Variants in MLPH observed in about 807,000 individuals in gnomAD.
The protein encoded by MLPH is melanophilin.
In MLPH, 51 loss-of-function variants were observed where a neutral mutation model predicts 72.1. The observed-to-expected ratio is 0.71, with a 90% confidence interval of 0.56 to 0.89. The LOEUF (loss-of-function observed/expected upper bound fraction) is 0.89. MLPH is among the 40% of genes least tolerant of loss of function. MLPH has a pLI of 0.00. For synonymous variants in MLPH, 301 were observed against 310.1 expected (o/e 0.97, Z 0.31); for missense variants, 743 against 759.9 (o/e 0.98, Z 0.26).
At chr2:237,513,559 G>T (rs2079952336) in intron 4 of MLPH, among the ~76,000 whole-genome samples, 1 of 152,090 alleles carries the variant, frequency 6.6e-6, no homozygotes, top group African/African-American at 2.4e-5. Context: ...GAATTTTTTT[G>T]GTTTTTTTCT....
In MLPH at chr2:237,541,957, G is replaced by A. The variant is rs570384623; in HGVS notation, c.1447-610G>A. On this transcript the variant is annotated intron_variant, in intron 11 of 15. Coordinates refer to ENST00000264605, the MANE Select transcript of MLPH (RefSeq NM_024101.7). This position sits in a 1 kb window ranked among gnomAD's most constrained non-coding sequence, Gnocchi z 5.1. ...GGAGGCCGGGTGGAGGGAGCAGCCC[G>A]TGCCAAGGCCCTGGGGTGGCAGTGG... Among the ~76,000 whole-genome samples the A allele has an allele frequency of 3.9e-5, 6 of 152,228 alleles. No individual in the cohort carries two copies. The highest frequency in any genetic ancestry group is 1.2e-4 in the African/African-American group (5 of 41,460).
intron 12 of MLPH, chr2:237,545,578 C>G: frequency 7.8e-7 from 1 of 1,287,862 alleles, no homozygotes. Context: ...CCTTAGTCCG[C>G]CGCCACGTGA....
intron 2 of MLPH, among the ~76,000 whole-genome samples, chr2:237,495,542 G>C (rs954008530): frequency 6.6e-6 from 1 of 152,188 alleles, no homozygotes; most frequent in East Asian, 1.9e-4. Context: ...GGGACTTTGG[G>C]TTCCCATGCT....
chr2:237,545,814 T>A, intron 12 of MLPH: 1 of 350,336 alleles, frequency 2.9e-6, no homozygotes, highest in South Asian at 3.1e-5. Context: ...GATCAACAAC[T>A]AATAATCTAG....
At chr2:237,529,768 C>A (rs976580351) in intron 8 of MLPH, among the ~76,000 whole-genome samples, 1 of 152,216 alleles carries the variant, frequency 6.6e-6, no homozygotes, top group South Asian at 2.1e-4. Context: ...TTCACCAAGG[C>A]TGGTCTCAGG....
intron 12 of MLPH, chr2:237,545,557 CAT>C (rs1559378040): frequency 4.7e-6 from 6 of 1,288,456 alleles, no homozygotes; most frequent in African/African-American, 4.6e-5. Context: ...CATGTTGCCT[CAT>C]GTGGAAATCC....
intron 9 of MLPH, among the ~76,000 whole-genome samples, chr2:237,536,370 G>C (rs982502150): frequency 2.0e-5 from 3 of 152,208 alleles, no homozygotes; most frequent in Non-Finnish European, 2.9e-5. Context: ...GGCTGACCAT[G>C]TGCCATAATT....
intron 2 of MLPH, among the ~76,000 whole-genome samples, chr2:237,507,831 T>C (rs2079808927): frequency 6.6e-6 from 1 of 152,258 alleles, no homozygotes; most frequent in Non-Finnish European, 1.5e-5. Context: ...ATCTGCCAAG[T>C]ACCCAAGTCG....
chr2:237,545,674 C>T lies in MLPH; in HGVS notation c.1540-932C>T, dbSNP rs967974916. On this transcript the variant is annotated intron_variant, in intron 12 of 15. Coordinates refer to ENST00000264605, the MANE Select transcript of MLPH (RefSeq NM_024101.7). ...AGGCCAACATCCTCCTCTCCTGATC[C>T]CATTCAGGAATCTTCAGACAAAACC... The T allele has an allele frequency of 3.4e-5, 42 of 1,236,224 alleles. No homozygotes were observed. The South Asian group carries it at 5.4e-4, about 16-fold the overall frequency. 76.6% of individuals were successfully genotyped at this position (1,236,224 alleles called of 1,614,324 possible).
intron 13 of MLPH, among the ~76,000 whole-genome samples, chr2:237,548,347 T>C (rs947318256): frequency 6.6e-6 from 1 of 152,196 alleles, no homozygotes; most frequent in Non-Finnish European, 1.5e-5. Context: ...CCAGGGGAAT[T>C]TGGCCATTTG....
intron 14 of MLPH, among the ~76,000 whole-genome samples, chr2:237,549,557 T>C (rs920789969): frequency 6.6e-6 from 1 of 152,208 alleles, no homozygotes; most frequent in South Asian, 2.1e-4. Context: ...TAAATTGTCC[T>C]AACGTGGTAC....
At chr2:237,546,363 T>C in intron 12 of MLPH, 2 of 544,392 alleles carry the variant, frequency 3.7e-6, no homozygotes, top group East Asian at 3.2e-5. Context: ...AGTCTCAAGA[T>C]TTGTTTTCTT....
chr2:237,539,558 G>A (rs374979509), intron 9 of MLPH, among the ~76,000 whole-genome samples: 81 of 152,324 alleles, frequency 5.3e-4, no homozygotes, highest in African/African-American at 1.8e-3. Flanking sequence ...CTTTCTCGGA[G>A]CTGGCACCTA....
chr2:237,507,138 C>T (rs2079795567), intron 2 of MLPH: 1 of 138,358 alleles, frequency 7.2e-6, no homozygotes, highest in Non-Finnish European at 1.5e-5. Flanking sequence ...GTAATCTCGG[C>T]TTACTGCAAC....
chr2:237,496,812 T>C (rs1445543038), intron 2 of MLPH, among the ~76,000 whole-genome samples: 1 of 152,210 alleles, frequency 6.6e-6, no homozygotes, highest in East Asian at 1.9e-4. Context: ...AGAGAGGCAG[T>C]GCTATGAAAA....
chr2:237,527,655 T>C (rs1384513642), intron 8 of MLPH, 139 bp downstream of exon 8: 6 of 1,053,268 alleles, frequency 5.7e-6, no homozygotes, highest in Admixed American at 2.1e-5. Flanking sequence ...TTAATGGAGA[T>C]ACGTCATCAC....
rs752756918 is a variant in MLPH, at chr2:237,540,961, G to A, written c.1446+4G>A. Reference sequence around the variant, plus strand: ...AGTCCAGCAGGCAGAGAGCGAGGTAGCCCAGAAGGCACAGGGGAGCACTGA... The same window carrying A: ...AGTCCAGCAGGCAGAGAGCGAGGTAACCCAGAAGGCACAGGGGAGCACTGA... On this transcript the variant is annotated splice_donor_region_variant and intron_variant, in intron 11 of 15. Coordinates refer to ENST00000264605, the MANE Select transcript of MLPH (RefSeq NM_024101.7). The A allele has an allele frequency of 3.8e-6, 6 of 1,599,888 alleles. No individual in the cohort carries two copies. The highest frequency in any genetic ancestry group is 5.1e-6 in the Non-Finnish European group (6 of 1,174,138).
chr2:237,493,652 C>G, intron 2 of MLPH, 116 bp downstream of exon 2: 1 of 752,358 alleles, frequency 1.3e-6, no homozygotes, highest in Non-Finnish European at 2.4e-6. Flanking sequence ...GAGTGATGGA[C>G]AGGAAGCCAG....
Position 237,509,387 on chromosome 2 carries a change from G to A in MLPH, c.111-1187G>A, listed in dbSNP as rs1042937691. Reference sequence around the variant, plus strand: ...GGTACCGTTCTGCCTGGATACAGAAGAAGAGGTTCTCCCTGGGACAGAGGC... The same window carrying A: ...GGTACCGTTCTGCCTGGATACAGAAAAAGAGGTTCTCCCTGGGACAGAGGC... On this transcript the variant is annotated intron_variant, in intron 2 of 15. Coordinates refer to ENST00000264605, the MANE Select transcript of MLPH (RefSeq NM_024101.7). 6.6e-5 allele frequency among the ~76,000 whole-genome samples: 10 copies of A among 152,172 alleles called. No individual in the cohort carries two copies. The East Asian group carries it at 9.6e-4, about 15-fold the overall frequency.
Sources: gnomAD v4.1 joint callset for allele counts (sites outside exome capture counted in the v4.1 genomes callset) on GRCh38, gnomAD v4.1.1 for gene constraint, Gnocchi (gnomAD v3.1) non-coding constraint, MANE v1.5 for transcripts, NCBI Gene and HGNC (gene_info 2026-07-23, HGNC 2026-07-21) for gene names.